The following FHIP1A variants were observed in gnomAD, a reference collection of about 807,000 sequenced individuals.
FHIP1A encodes the protein FHF complex subunit HOOK-interacting protein 1A.
FHIP1A carries 61 observed loss-of-function variants against 88.6 expected under a neutral mutation model. The observed-to-expected ratio is 0.69, with a 90% CI of 0.56 to 0.85. The LOEUF (loss-of-function observed/expected upper bound fraction) is 0.85. Ranked by LOEUF, FHIP1A falls within the 40% of genes least tolerant of loss-of-function variation. FHIP1A has a pLI of 0.00. For synonymous variants in FHIP1A, 478 were observed against 496.0 expected (o/e 0.96, Z 0.48); for missense variants, 1,154 against 1,273.5 (o/e 0.91, Z 1.43).
chr4:151,516,527 G>T (rs1341662048), intron 3 of FHIP1A, among the ~76,000 whole-genome samples: 1 of 151,880 alleles, frequency 6.6e-6, no homozygotes, highest in Non-Finnish European at 1.5e-5. Flanking sequence ...CTACAAAATG[G>T]GATAAAATTT....
rs377371187 is a variant in FHIP1A at position 151,650,393 on chromosome 4, G to C, written c.2352G>C (p.Lys784Asn). The C allele has an allele frequency of 5.8e-6, 9 of 1,551,584 alleles. No individual in the cohort carries two copies. The African/African-American group carries it at 1.2e-4, about 21-fold the overall frequency. The change falls in exon 11 of 14, where the codon AAG becomes AAC. Residue 784 changes from lysine (K) to asparagine (N), a missense_variant. Physicochemically the swap from Lys to Asn is moderately conservative, Grantham distance 94. Transcript: ENST00000435205. ...CACCTGATCCCTTGCTTCTCACTAAGGAGGAAGAAGGGAAGGAAGAGAGTA... is the reference window on the plus strand; with the variant it reads ...CACCTGATCCCTTGCTTCTCACTAACGAGGAAGAAGGGAAGGAAGAGAGTA... ...YPTPDPLLLT[K>N]EEEGKEESKG... is the part of the protein sequence containing the mutation.
chr4:151,590,881 A>G (rs1265473503), intron 7 of FHIP1A, among the ~76,000 whole-genome samples: 1 of 152,228 alleles, frequency 6.6e-6, no homozygotes, highest in African/African-American at 2.4e-5. Flanking sequence ...TTATTATAAA[A>G]ATAAAAAAGA....
chr4:151,552,756 A>G (rs557890084), intron 3 of FHIP1A, among the ~76,000 whole-genome samples: 9 of 151,942 alleles, frequency 5.9e-5, no homozygotes, highest in Non-Finnish European at 1.0e-4. Flanking sequence ...GCAAACCAAC[A>G]CGGCACATGT....
At chr4:151,595,918 C>G (rs909557101) in intron 7 of FHIP1A, among the ~76,000 whole-genome samples, 2 of 152,130 alleles carry the variant, frequency 1.3e-5, no homozygotes, top group Non-Finnish European at 2.9e-5. Flanking sequence ...CTATGTATGT[C>G]TTTGCACATG....
intron 7 of FHIP1A, among the ~76,000 whole-genome samples, chr4:151,592,239 A>T (rs1370829900): frequency 6.6e-6 from 1 of 151,880 alleles, no homozygotes; most frequent in Non-Finnish European, 1.5e-5. Flanking sequence ...GGTTCATGCG[A>T]TTCTCCTGCC....
intron 3 of FHIP1A, among the ~76,000 whole-genome samples, chr4:151,546,138 G>T (rs918311492): frequency 2.7e-4 from 41 of 152,214 alleles, no homozygotes; most frequent in African/African-American, 9.6e-4. Context: ...GCAGAGAAAA[G>T]GTGATTTCCT....
intron 3 of FHIP1A, among the ~76,000 whole-genome samples, chr4:151,488,681 A>G (rs973682724): frequency 2.0e-5 from 3 of 152,218 alleles, no homozygotes; most frequent in Admixed American, 6.5e-5. Flanking sequence ...AAATGCTGCC[A>G]TAGTATTCCA....
intron 2 of FHIP1A, among the ~76,000 whole-genome samples, chr4:151,479,896 T>C (rs936762452): frequency 3.3e-5 from 5 of 152,068 alleles, no homozygotes; most frequent in African/African-American, 1.2e-4. Flanking sequence ...TTTGTTGAAA[T>C]TAGGGATGTG....
intron 1 of FHIP1A, among the ~76,000 whole-genome samples, chr4:151,431,372 T>C (rs948122876): frequency 5.3e-5 from 8 of 152,180 alleles, no homozygotes; most frequent in African/African-American, 1.9e-4. Flanking sequence ...ACTGAGATGA[T>C]GCGCTTACAT....
At chr4:151,433,383 T>TA (rs2126544100) in intron 1 of FHIP1A, among the ~76,000 whole-genome samples, 1 of 151,408 alleles carries the variant, frequency 6.6e-6, no homozygotes, top group South Asian at 2.1e-4. Flanking sequence ...TGTGGAAAGT[T>TA]AGGGAGAAGA....
chr4:151,620,950 T>C (rs538104911), intron 7 of FHIP1A, among the ~76,000 whole-genome samples: 2 of 151,180 alleles, frequency 1.3e-5, no homozygotes, highest in Non-Finnish European at 2.9e-5. Context: ...TGGAAACAAA[T>C]GCAGAGAGTG....
rs1731052312 is a variant in FHIP1A, at chr4:151,512,007, C to T, written c.-123+29359C>T. Among the ~76,000 whole-genome samples, 11 of 152,194 alleles carry T rather than the reference C, an allele frequency of 7.2e-5. 1 individual carries two copies. The highest frequency in any genetic ancestry group is 7.2e-4 in the Admixed American group (11 of 15,288). ...CCTCAAGTGGGTCCCTGACCCCTGA[C>T]CCCCGAGCAGCCTAACTGGGAGGCA... On this transcript the variant is annotated intron_variant, in intron 3 of 13. Transcript: ENST00000435205.
Position 151,665,579 on chromosome 4 carries a change from A to C in FHIP1A, c.*2825A>C, listed in dbSNP as rs546985912. ...AGGGAGTGACGTGGACATGCCAAAG[A>C]AAAACAGCAGAGAACTGAGTCTATC... On this transcript the variant is annotated 3_prime_UTR_variant, in exon 14 of 14. Transcript: ENST00000435205. 2.0e-5 allele frequency among the ~76,000 whole-genome samples: 3 copies of C among 152,174 alleles called. No homozygotes were observed. Among genetic ancestry groups the C allele is most frequent in the Admixed American group, 6.5e-5 (1 of 15,278 alleles).
intron 3 of FHIP1A, among the ~76,000 whole-genome samples, chr4:151,483,233 A>G (rs72952717): frequency 0.012 from 1,814 of 152,032 alleles, 32 homozygotes; most frequent in African/African-American, 0.038. Flanking sequence ...AAGAGTTCCT[A>G]TGTTAATCAG....
chr4:151,496,713 C>A, intron 3 of FHIP1A, among the ~76,000 whole-genome samples: 1 of 71,584 alleles, frequency 1.4e-5, no homozygotes, highest in East Asian at 3.6e-4. Context: ...CCACCACGTC[C>A]AGCTTTTTTT....
chr4:151,518,742 C>T (rs970695715), intron 3 of FHIP1A, among the ~76,000 whole-genome samples: 1 of 149,672 alleles, frequency 6.7e-6, no homozygotes, highest in African/African-American at 2.5e-5. Context: ...TCACTGCCAC[C>T]TTGAACTCCT....
intron 2 of FHIP1A, among the ~76,000 whole-genome samples, chr4:151,478,108 A>G (rs980813852): frequency 6.6e-6 from 1 of 152,176 alleles, no homozygotes; most frequent in Non-Finnish European, 1.5e-5. Context: ...GAAACAACCT[A>G]ATGTTCATAA....
chr4:151,659,204 T>C (rs1051750954), intron 13 of FHIP1A, among the ~76,000 whole-genome samples: 1 of 152,214 alleles, frequency 6.6e-6, no homozygotes, highest in Non-Finnish European at 1.5e-5. Flanking sequence ...TCTCTCTGGA[T>C]ATAACATTTT....
chr4:151,480,436 T>C (rs1282412125), intron 2 of FHIP1A, among the ~76,000 whole-genome samples: 1 of 152,004 alleles, frequency 6.6e-6, no homozygotes, highest in Non-Finnish European at 1.5e-5. Context: ...AATTGCAAGA[T>C]GAGAAAAGGC....
Sources: allele counts gnomAD v4.1 joint callset (sites outside exome capture counted in the v4.1 genomes callset), GRCh38; gene constraint gnomAD v4.1.1; transcripts MANE v1.5; gene names NCBI Gene and HGNC (gene_info 2026-07-23, HGNC 2026-07-21).